CEP131: variants seen among roughly 807,000 people sequenced by gnomAD.
The protein encoded by CEP131 is centrosomal protein of 131 kDa.
Under a neutral mutation model 136.8 loss-of-function variants are expected in CEP131, and 99 were observed. That is an observed-to-expected ratio of 0.72 (90% CI 0.62 to 0.86). CEP131 has a LOEUF of 0.86. Ranked by LOEUF, CEP131 falls within the 40% of genes least tolerant of loss-of-function variation. The pLI is 0.00. For synonymous variants in CEP131, 646 were observed against 612.7 expected (o/e 1.05, Z -0.80); for missense variants, 1,459 against 1,463.0 (o/e 1.00, Z 0.04).
Position 81,202,304 on chromosome 17 carries a change from T to C in CEP131, c.724A>G (p.Asn242Asp), listed in dbSNP as rs914194168. The C allele has an allele frequency of 2.5e-6, 4 of 1,613,434 alleles. No homozygotes were observed. The African/African-American group carries it at 5.3e-5, about 22-fold the overall frequency. ...NVSSATHSAR[N>D]NTGGSTGLPR... ...AAGCCCGTGCTGCCCCCAGTATTGTTCCGGGCTGAGTGGGTGGCACTGGAG... is the reference window on the plus strand; with the variant it reads ...AAGCCCGTGCTGCCCCCAGTATTGTCCCGGGCTGAGTGGGTGGCACTGGAG... The change falls in exon 7 of 26, where the codon AAC (asparagine) becomes GAC (aspartate). Residue 242 changes from asparagine to aspartate, a missense_variant. Physicochemically the swap from Asn to Asp is conservative, Grantham distance 23. Transcript: ENST00000450824.
rs1183565314 is a variant in CEP131, at chr17:81,199,389, T to C, written c.1184A>G (p.Asn395Ser). 4 of 1,603,074 alleles carry C rather than the reference T, an allele frequency of 2.5e-6. No individual in the cohort carries two copies. The highest frequency in any genetic ancestry group is 3.4e-5 in the Admixed American group (2 of 58,638). ...CGTGGAGCCACTCTCACCAGTATTG[T>C]TGGCCTTGAGGGCCTGGTGGGCAGT... ...GGTAHQALKA[N>S]NTGGGLPAAG... Residue 395 changes from asparagine (N) to serine (S), a missense_variant, in exon 10 of 26, where the codon AAC (asparagine) becomes AGC (serine). Physicochemically the swap from Asn to Ser is conservative, Grantham distance 46. Transcript: ENST00000450824.
Position 81,199,386 on chromosome 17 carries a change from T to C in CEP131, c.1187A>G (p.Asn396Ser), listed in dbSNP as rs1465731111. 4 of 1,602,162 alleles carry C rather than the reference T, an allele frequency of 2.5e-6. No homozygotes were observed. The African/African-American group carries it at 4.0e-5, about 16-fold the overall frequency. Reference protein sequence around the residue: ...GTAHQALKANNTGGGLPAAGP... With the variant: ...GTAHQALKANSTGGGLPAAGP... ...GGGCGTGGAGCCACTCTCACCAGTA[T>C]TGTTGGCCTTGAGGGCCTGGTGGGC... is the stretch of plus-strand genomic sequence containing the variant. Residue 396 changes from asparagine to serine, a missense_variant, in exon 10 of 26, where the codon AAT becomes AGT. By Grantham distance (46) the Asn-to-Ser change is conservative. This residue lies in a region of CEP131 where 1,026 missense variants were observed against 964.2 expected (regional missense o/e 1.06). Coordinates refer to ENST00000450824, the MANE Select transcript of CEP131 (RefSeq NM_014984.4).
At chr17:81,206,151 T>C (rs1040631303) in intron 5 of CEP131, among the ~76,000 whole-genome samples, 1 of 151,610 alleles carries the variant, frequency 6.6e-6, no homozygotes, top group Non-Finnish European at 1.5e-5. Context: ...GAGTCAGAGG[T>C]TGCAGTGAGC....
intron 24 of CEP131, 64 bp from the exon 25 acceptor site, chr17:81,190,039 G>T (rs1409823995): frequency 4.9e-6 from 7 of 1,428,694 alleles, no homozygotes; most frequent in Non-Finnish European, 5.7e-6. Flanking sequence ...GTGGCCTGCA[G>T]TGCACAGGGT....
chr17:81,212,822 C>A (rs920067358), intron 2 of CEP131, among the ~76,000 whole-genome samples: 1 of 152,168 alleles, frequency 6.6e-6, no homozygotes, highest in Admixed American at 6.5e-5. Context: ...GGACGCACAA[C>A]ACCAATGGTT....
In CEP131 at chr17:81,209,011, C is replaced by T. The variant is rs1386390219; in HGVS notation, c.189G>A (p.Gly63=). 1.2e-6 allele frequency: 2 copies of T among 1,613,036 alleles called. No individual in the cohort carries two copies. The highest frequency in any genetic ancestry group is 1.7e-5 in the Admixed American group (1 of 59,896). ...TGTTGATGGCCTGGGAGCCCCCAGG[C>T]CCTGTGGCCTCCTGCAAAAAGGGAG... ...EQKRKVLEAT[G]PGGSQAINNL... is the part of the protein sequence containing the mutation. Residue 63 remains glycine (G), a synonymous_variant, in exon 3 of 26, where the codon GGG becomes GGA. Coordinates refer to ENST00000450824, the MANE Select transcript of CEP131 (RefSeq NM_014984.4).
intron 9 of CEP131, 57 bp downstream of exon 9, chr17:81,199,662 C>T (rs906175): frequency 0.45 from 726,891 of 1,599,312 alleles, 174,059 homozygotes; most frequent in Admixed American, 0.64. Context: ...CAGCAGCAGC[C>T]CCGCACGGTC....
rs1210381937 is a variant in CEP131 at position 81,190,661 on chromosome 17, C to G, written c.3085G>C (p.Glu1029Gln). The G allele has an allele frequency of 6.3e-7, 1 of 1,597,604 alleles. No individual in the cohort carries two copies. Among genetic ancestry groups the G allele is most frequent in the Non-Finnish European group, 8.5e-7 (1 of 1,175,042 alleles). The change falls in exon 24 of 26, where the codon GAG (glutamate) becomes CAG (glutamine). Residue 1029 changes from glutamate to glutamine, a missense_variant. Coordinates refer to ENST00000450824, the MANE Select transcript of CEP131 (RefSeq NM_014984.4). ...LATLQARQQL[E>Q]LEEVHRRVKT... is the part of the protein sequence containing the mutation. ...CACCTCCGGTGCACCTCCTCCAGCT[C>G]CAGCTGCTGGCGGGCCTGCAGCGTG...
At position 81,203,825 on chromosome 17, in the gene CEP131, C is replaced by CA; in HGVS notation, c.516-219dup. 1.8e-6 allele frequency: 1 copy of CA among 557,554 alleles called. No individual in the cohort carries two copies. 34.5% of individuals were successfully genotyped at this position (557,554 alleles called of 1,614,324 possible). A position where few individuals can be genotyped will look rare whatever the true frequency, so the allele number is the denominator to read the frequency against. On this transcript the variant is annotated intron_variant, in intron 5 of 25. Transcript: ENST00000450824. This position sits in a 1 kb window ranked among gnomAD's most constrained non-coding sequence, Gnocchi z 4.6. ...ACAGGAAAGCTGGACCAGGGGCTCC[C>CA]ACGGGGCAGGGGATAGAATCGAGGC...
chr17:81,203,857 G>A lies in CEP131; in HGVS notation c.516-250C>T, dbSNP rs1478127488. On this transcript the variant is annotated intron_variant, in intron 5 of 25. Transcript: ENST00000450824. This position sits in a 1 kb window ranked among gnomAD's most constrained non-coding sequence, Gnocchi z 4.6. Reference sequence around the variant, plus strand: ...CAGGGGATAGAATCGAGGCATGAACGCTGGACGTGCCCAAGACGGGGGGAG... The same window carrying A: ...CAGGGGATAGAATCGAGGCATGAACACTGGACGTGCCCAAGACGGGGGGAG... 6 of 482,604 alleles carry A rather than the reference G, an allele frequency of 1.2e-5. No homozygotes were observed. The highest frequency in any genetic ancestry group is 5.9e-5 in the African/African-American group (3 of 51,060). 29.9% of individuals were successfully genotyped at this position (482,604 alleles called of 1,614,324 possible).
intron 19 of CEP131, 21 bp downstream of exon 19, chr17:81,192,714 GC>G: frequency 6.6e-7 from 1 of 1,520,642 alleles, no homozygotes; most frequent in Non-Finnish European, 9.0e-7. Context: ...CTGGGAGAGG[GC>G]GTGGTGCCCC....
intron 17 of CEP131, 117 bp from the exon 18 acceptor site, chr17:81,194,244 C>G (rs1389872511): frequency 1.1e-6 from 1 of 951,764 alleles, no homozygotes; most frequent in African/African-American, 1.7e-5. Flanking sequence ...CCCAGGGCCT[C>G]CTTGGATCCA....
Position 81,199,435 on chromosome 17 carries a change from G to T in CEP131, c.1138C>A (p.Leu380Met). 6.2e-7 allele frequency: 1 copy of T among 1,607,688 alleles called. No individual in the cohort carries two copies. The change falls in exon 10 of 26, where the codon CTG becomes ATG. Residue 380 changes from leucine (L) to methionine (M), a missense_variant. Leu to Met is a conservative substitution (Grantham distance 15). Transcript: ENST00000450824. ...VPGMRQPAQE[L>M]SPTPGGTAHQ... ...GCAGTGCCGCCTGGTGTGGGGGACA[G>T]CTCCTGAGCAGGCTGCCGCATTCCT...
Position 81,189,635 on chromosome 17 carries a change from C to G in CEP131, c.*134G>C. ...CTCCTTTACTGTTAAAATGCAGCCA[C>G]AGGTGCTTAGCCGTGGGCATCTCAA... On this transcript the variant is annotated 3_prime_UTR_variant, in exon 26 of 26. Transcript: ENST00000450824. 1 of 865,972 alleles carries G rather than the reference C, an allele frequency of 1.2e-6. No individual in the cohort carries two copies. The highest frequency in any genetic ancestry group is 1.8e-6 in the Non-Finnish European group (1 of 562,868). The allele number at this position is 865,972 out of a possible 1,614,324, so 53.6% of individuals were successfully genotyped here. A position where few individuals can be genotyped will look rare whatever the true frequency, so the allele number is the denominator to read the frequency against.
chr17:81,209,257 A>G (rs2062082122), intron 2 of CEP131, among the ~76,000 whole-genome samples: 2 of 152,124 alleles, frequency 1.3e-5, no homozygotes, highest in African/African-American at 4.8e-5. Context: ...TCCCCGCATC[A>G]AGCAGGAGCC....
At chr17:81,213,980 T>C (rs928239855) in intron 2 of CEP131, among the ~76,000 whole-genome samples, 1 of 152,096 alleles carries the variant, frequency 6.6e-6, no homozygotes, top group Non-Finnish European at 1.5e-5. Context: ...TCGAAGGTCA[T>C]CAAAAACAAG....
At chr17:81,192,251 A>T in intron 21 of CEP131, 67 bp downstream of exon 21, 2 of 1,463,948 alleles carry the variant, frequency 1.4e-6, no homozygotes, top group Non-Finnish European at 1.9e-6. Flanking sequence ...CACCTGGGGC[A>T]GCCCCCAACT....
At chr17:81,196,569 A>G in intron 15 of CEP131, 132 bp downstream of exon 15, 1 of 1,349,072 alleles carries the variant, frequency 7.4e-7, no homozygotes, top group Admixed American at 2.6e-5. Flanking sequence ...AAAGGCTTGG[A>G]ATGCGTCCAG....
At chr17:81,202,548 G>A in intron 6 of CEP131, 150 bp from the exon 7 acceptor site, 2 of 886,774 alleles carry the variant, frequency 2.3e-6, no homozygotes, top group Non-Finnish European at 3.3e-6. Context: ...GACAGCGGCA[G>A]GTGCGAGGCC....
Sources: allele counts gnomAD v4.1 joint callset (sites outside exome capture counted in the v4.1 genomes callset), GRCh38; gene constraint gnomAD v4.1.1; regional missense constraint gnomAD v4.1.1; non-coding constraint Gnocchi (gnomAD v3.1); transcripts MANE v1.5; gene names NCBI Gene and HGNC (gene_info 2026-07-23, HGNC 2026-07-21).